Variants in SETD7 observed in about 807,000 individuals in gnomAD.
SETD7 encodes the protein SET domain containing 7, histone lysine methyltransferase.
SETD7 carries 16 observed loss-of-function variants against 41.8 expected under a neutral mutation model. The observed-to-expected ratio is 0.38, with a 90% CI of 0.26 to 0.58. SETD7 has a LOEUF of 0.58. SETD7 is among the 20% of genes least tolerant of loss of function. SETD7 has a pLI of 0.64. For synonymous variants in SETD7, 163 were observed against 169.7 expected (o/e 0.96, Z 0.31); for missense variants, 346 against 459.7 (o/e 0.75, Z 2.26).
At chr4:139,495,156 A>G (rs1334880832), downstream of SETD7, among the ~76,000 whole-genome samples, 1 of 152,234 alleles carries the variant, frequency 6.6e-6, no homozygotes, top group Non-Finnish European at 1.5e-5. Context: ...TGTGAAAATT[A>G]AATGAATTAA....
chr4:139,518,328 C>T (rs879406917), intron 6 of SETD7, among the ~76,000 whole-genome samples: 12 of 152,100 alleles, frequency 7.9e-5, no homozygotes, highest in Admixed American at 2.0e-4. Flanking sequence ...GGGGTTTCAC[C>T]ATGTTGGCCA....
At chr4:139,519,800 C>A (rs1285617685) in intron 6 of SETD7, among the ~76,000 whole-genome samples, 1 of 152,166 alleles carries the variant, frequency 6.6e-6, no homozygotes, top group East Asian at 1.9e-4. Flanking sequence ...ATATATGAAG[C>A]CTTTGACATA....
At chr4:139,527,783 C>T (rs946657165) in intron 4 of SETD7, among the ~76,000 whole-genome samples, 1 of 152,182 alleles carries the variant, frequency 6.6e-6, no homozygotes, top group Admixed American at 6.5e-5. Flanking sequence ...TTAGATTTCA[C>T]CAGTTTTTCC....
At chr4:139,512,025 T>A (rs1304597774) in intron 7 of SETD7, among the ~76,000 whole-genome samples, 182 bp from the exon 8 acceptor site, 1 of 152,054 alleles carries the variant, frequency 6.6e-6, no homozygotes, top group East Asian at 1.9e-4. Context: ...ATGGAGCATC[T>A]CGGCCCCATC....
rs1192504261 is a variant in SETD7, at chr4:139,520,396, T to TA, written c.645-3dup. On this transcript the variant is annotated splice_polypyrimidine_tract_variant and splice_region_variant and intron_variant, in intron 5 of 7. Coordinates refer to ENST00000274031, the MANE Select transcript of SETD7 (RefSeq NM_030648.4). ...ATAAGAGATTCAGCAACATAAACCC[T>TA]AAATTGAAAAAAGAGTTGAATAGTG... 6.4e-7 allele frequency: 1 copy of TA among 1,570,684 alleles called. No homozygotes were observed. Among genetic ancestry groups the TA allele is most frequent in the Non-Finnish European group, 8.7e-7 (1 of 1,152,868 alleles).
chr4:139,494,493 G>C (rs577779091), downstream of SETD7, among the ~76,000 whole-genome samples: 1 of 152,034 alleles, frequency 6.6e-6, no homozygotes, highest in Non-Finnish European at 1.5e-5. Flanking sequence ...AAATATGGGA[G>C]GAAAAATAAA....
intron 5 of SETD7, among the ~76,000 whole-genome samples, chr4:139,521,692 C>T (rs967508247): frequency 2.0e-5 from 3 of 152,194 alleles, no homozygotes; most frequent in Non-Finnish European, 2.9e-5. Context: ...ACTGACTTCT[C>T]GTTTGGCCAT....
intron 3 of SETD7, 194 bp downstream of exon 3, chr4:139,532,971 C>G (rs746858641): frequency 1.7e-6 from 1 of 592,078 alleles, no homozygotes; most frequent in Non-Finnish European, 3.0e-6. Flanking sequence ...TAATTAATAA[C>G]GGATTCAAGG....
Position 139,511,822 on chromosome 4 carries a change from C to T in SETD7, c.942G>A (p.Gly314=), listed in dbSNP as rs1328562715. The T allele has an allele frequency of 6.2e-7, 1 of 1,613,012 alleles. No homozygotes were observed. ...IYDMFVHPRF[G]PIKCIRTLRA... ...TCAGGGTGCGGATGCATTTGATGGGCCCAAAACGGGGGTGGACAAACCTAA... is the reference window on the plus strand; with the variant it reads ...TCAGGGTGCGGATGCATTTGATGGGTCCAAAACGGGGGTGGACAAACCTAA... Residue 314 remains glycine (G), a synonymous_variant, in exon 8 of 8, where the codon GGG becomes GGA. Coordinates refer to ENST00000274031, the MANE Select transcript of SETD7 (RefSeq NM_030648.4).
chr4:139,502,780 G>A (rs1726610685), downstream of SETD7, among the ~76,000 whole-genome samples: 1 of 152,190 alleles, frequency 6.6e-6, no homozygotes, highest in South Asian at 2.1e-4. Flanking sequence ...TCACGTGGTG[G>A]AGGCAAAGAA....
chr4:139,551,407 A>C (rs961416264), intron 1 of SETD7, among the ~76,000 whole-genome samples: 4 of 152,244 alleles, frequency 2.6e-5, no homozygotes, highest in Non-Finnish European at 5.9e-5. Flanking sequence ...AAAGGAAAAA[A>C]GTATCAGTTC....
At chr4:139,520,441 T>C (rs1364723125) in intron 5 of SETD7, 47 bp from the exon 6 acceptor site, 3 of 1,135,080 alleles carry the variant, frequency 2.6e-6, no homozygotes, top group Admixed American at 2.1e-5. Flanking sequence ...GCTTAATATG[T>C]CATTCCTTAC....
In SETD7 at chr4:139,555,477, G is replaced by A. The variant is rs76929948; in HGVS notation, c.40+621C>T. Among the ~76,000 whole-genome samples the A allele has an allele frequency of 0.14, 21,058 of 152,072 alleles. 1,745 individuals are homozygous for A. The highest frequency in any genetic ancestry group is 0.2 in the Non-Finnish European group (13,340 of 67,918). ...GGGAGGGCTGCCCGCCTCCCGGACG[G>A]CGCACGTTCGAGTCCCGGGTCGGGA... is the stretch of plus-strand genomic sequence containing the variant. On this transcript the variant is annotated intron_variant, in intron 1 of 7. Coordinates refer to ENST00000274031, the MANE Select transcript of SETD7 (RefSeq NM_030648.4). This position sits in a 1 kb window ranked among gnomAD's most constrained non-coding sequence, Gnocchi z 4.0.
At chr4:139,522,799 G>A (rs1331391398) in intron 5 of SETD7, among the ~76,000 whole-genome samples, 1 of 138,468 alleles carries the variant, frequency 7.2e-6, no homozygotes, top group Non-Finnish European at 1.5e-5. Context: ...TGTTGCTCAG[G>A]CTGGAGTGCA....
Position 139,520,315 on chromosome 4 carries a change from T to C in SETD7, c.724A>G (p.Met242Val). The change falls in exon 6 of 8, where the codon ATG (methionine) becomes GTG (valine). Residue 242 changes from methionine to valine, a missense_variant. Physicochemically the swap from Met to Val is conservative, Grantham distance 21 (BLOSUM62 1). Transcript: ENST00000274031. The stretch of plus-strand genomic sequence containing the variant: ...ATTCGAACTCCATTATAAAAAGACA[T>C]AACAGTATTAGGTCCCACAGCTACC... ...SKVAVGPNTV[M>V]SFYNGVRITH... is the part of the protein sequence containing the mutation. 6.2e-7 allele frequency: 1 copy of C among 1,607,400 alleles called. No individual in the cohort carries two copies. Among genetic ancestry groups the C allele is most frequent in the Non-Finnish European group, 8.5e-7 (1 of 1,176,624 alleles).
chr4:139,530,177 C>T (rs1321336809), intron 3 of SETD7, among the ~76,000 whole-genome samples: 6 of 151,598 alleles, frequency 4.0e-5, no homozygotes, highest in Admixed American at 3.3e-4. Context: ...TTTTTCCATC[C>T]AGAAGGTCCT....
Position 139,537,458 on chromosome 4 carries a change from C to G in SETD7, c.171-4092G>C, listed in dbSNP as rs548533332. Among the ~76,000 whole-genome samples, 103 of 147,944 alleles carry G rather than the reference C, an allele frequency of 7.0e-4. 2 individuals are homozygous for G. The South Asian group carries it at 0.022, about 31-fold the overall frequency. On this transcript the variant is annotated intron_variant, in intron 2 of 7. Transcript: ENST00000274031. ...ACTGTGTTAAACAGAGCCTACTCAT[C>G]ATCCGCGGGGAACCTTGTTTTCCTA...
At chr4:139,527,449 T>C (rs1178818663) in intron 4 of SETD7, among the ~76,000 whole-genome samples, 2 of 152,142 alleles carry the variant, frequency 1.3e-5, no homozygotes, top group African/African-American at 4.8e-5. Flanking sequence ...TCTTAGCTAC[T>C]GGGGAGGCTG....
At chr4:139,551,093 C>A (rs901549228) in intron 1 of SETD7, among the ~76,000 whole-genome samples, 5 of 152,236 alleles carry the variant, frequency 3.3e-5, no homozygotes, top group African/African-American at 1.2e-4. Flanking sequence ...TGGTTAAGAT[C>A]ATTCACACAG....
Sources: gnomAD v4.1 joint callset for allele counts (sites outside exome capture counted in the v4.1 genomes callset) on GRCh38, gnomAD v4.1.1 for gene constraint, Gnocchi (gnomAD v3.1) non-coding constraint, MANE v1.5 for transcripts, NCBI Gene and HGNC (gene_info 2026-07-23, HGNC 2026-07-21) for gene names.